Variants in KRT73 observed in about 807,000 individuals in gnomAD.
KRT73 encodes the protein keratin, type II cytoskeletal 73.
A neutral mutation model predicts 47.2 loss-of-function variants in KRT73; 44 were observed. That is an observed-to-expected ratio of 0.93 (90% CI 0.73 to 1.20). The LOEUF (loss-of-function observed/expected upper bound fraction) is 1.20. Ranked by LOEUF, KRT73 falls within the 50% of genes most tolerant of loss-of-function variation. The pLI is 0.00. For synonymous variants in KRT73, 285 were observed against 291.3 expected (o/e 0.98, Z 0.22); for missense variants, 713 against 704.5 (o/e 1.01, Z -0.14).
chr12:52,629,833 C>T, the KRT73 span, among the ~76,000 whole-genome samples: 3 of 152,286 alleles, frequency 2.0e-5, no homozygotes, highest in South Asian at 6.2e-4. Flanking sequence ...TATAGAGTAA[C>T]AAGAGCAGCC....
intron 3 of KRT73, 90 bp from the exon 4 acceptor site, chr12:52,614,764 G>T: frequency 9.8e-7 from 1 of 1,021,682 alleles, no homozygotes; most frequent in Non-Finnish European, 1.4e-6. Flanking sequence ...CCCTGCCCTA[G>T]CTAGCTGCCC....
the KRT73 span, among the ~76,000 whole-genome samples, chr12:52,624,067 A>C: frequency 2.0e-5 from 3 of 152,036 alleles, no homozygotes; most frequent in South Asian, 6.2e-4. Flanking sequence ...ACTATATGCT[A>C]TCTCCAAAAA....
the KRT73 span, among the ~76,000 whole-genome samples, chr12:52,627,008 C>T: frequency 1.8e-3 from 274 of 152,326 alleles, no homozygotes; most frequent in African/African-American, 6.3e-3. Flanking sequence ...GTTTCTTATG[C>T]TCTTGTCAAT....
At chr12:52,612,576 C>G (rs1038640129) in intron 5 of KRT73, 1 of 152,216 alleles carries the variant, frequency 6.6e-6, no homozygotes, top group Non-Finnish European at 1.5e-5. Flanking sequence ...AAACAAGGGG[C>G]CTTCTCCTGC....
rs921491256 is a variant in KRT73, at chr12:52,614,587, A to G, written c.811T>C (p.Tyr271His). Residue 271 changes from tyrosine (Y) to histidine (H), a missense_variant, in exon 4 of 9, where the codon TAC becomes CAC. By Grantham distance (83) the Tyr-to-His change is moderately conservative. Transcript: ENST00000305748. The part of the protein sequence containing the change: ...DGEIKFFKCL[Y>H]EGETAQIQSH... ...GGCAGGGGGAGCCTTACCCCCTCGT[A>G]CAGACACTTGAAGAACTTGATTTCT... 1 of 1,613,732 alleles carries G rather than the reference A, an allele frequency of 6.2e-7. No individual in the cohort carries two copies. Among genetic ancestry groups the G allele is most frequent in the Admixed American group, 1.7e-5 (1 of 59,994 alleles).
Position 52,615,269 on chromosome 12 carries a change from C to A in KRT73, c.723+10G>T. Reference sequence around the variant, plus strand: ...TGGGGGACTGAAGGGAACCCATGCACCCTCCTCACCTTCTTAAGCACCACA... The same window carrying A: ...TGGGGGACTGAAGGGAACCCATGCAACCTCCTCACCTTCTTAAGCACCACA... On this transcript the variant is annotated intron_variant, in intron 3 of 8. Coordinates refer to ENST00000305748, the MANE Select transcript of KRT73 (RefSeq NM_175068.3). 1.9e-6 allele frequency: 3 copies of A among 1,611,866 alleles called. No homozygotes were observed. Among genetic ancestry groups the A allele is most frequent in the East Asian group, 4.5e-5 (2 of 44,838 alleles).
chr12:52,619,421 A>G (rs1021733772), upstream of KRT73, among the ~76,000 whole-genome samples: 4 of 152,220 alleles, frequency 2.6e-5, no homozygotes, highest in East Asian at 1.9e-4. Context: ...TCATTCCTTT[A>G]GCAAACATTT....
chr12:52,619,046 G>C (rs565268208), upstream of KRT73, among the ~76,000 whole-genome samples: 46 of 152,322 alleles, frequency 3.0e-4, no homozygotes, highest in Non-Finnish European at 4.7e-4. Flanking sequence ...AGACAGGTTT[G>C]ATGGCTGGCC....
At position 52,610,698 on chromosome 12, in the gene KRT73, C is replaced by G; in HGVS notation, c.1248G>C (p.Glu416Asp). ...AKEELARMLR[E>D]YQELLSVKLS... ...GCTTCACGCTCAAAAGCTCTTGGTA[C>G]TCGCGCAGCATCCGTGCCAGCTCCT... Residue 416 changes from glutamate (E) to aspartate (D), a missense_variant, in exon 7 of 9, where the codon GAG becomes GAC. Coordinates refer to ENST00000305748, the MANE Select transcript of KRT73 (RefSeq NM_175068.3). The G allele has an allele frequency of 6.2e-7, 1 of 1,614,002 alleles. No homozygotes were observed. The highest frequency in any genetic ancestry group is 8.5e-7 in the Non-Finnish European group (1 of 1,180,024).
chr12:52,619,093 C>G (rs751288869), upstream of KRT73, among the ~76,000 whole-genome samples: 52 of 152,240 alleles, frequency 3.4e-4, no homozygotes, highest in Non-Finnish European at 6.6e-4. Flanking sequence ...GAATCCAGGA[C>G]CAGCCTCTGG....
chr12:52,613,546 C>T lies in KRT73; in HGVS notation c.984+142G>A, dbSNP rs74706801. On this transcript the variant is annotated intron_variant, in intron 5 of 8. Coordinates refer to ENST00000305748, the MANE Select transcript of KRT73 (RefSeq NM_175068.3). ...AAGGACAGAGCTGTGTCTTCTCCTC[C>T]CCTTTGGCTTCCCCCAGTGCCCAGG... 0.01 allele frequency: 14,799 copies of T among 1,456,230 alleles called. 931 individuals are homozygous for T. The Admixed American group carries it at 0.18, about 17-fold the overall frequency. The allele number at this position is 1,456,230 out of a possible 1,614,324, so 90.2% of individuals were successfully genotyped here.
At chr12:52,630,335 G>A in the KRT73 span, among the ~76,000 whole-genome samples, 1 of 152,154 alleles carries the variant, frequency 6.6e-6, no homozygotes, top group Non-Finnish European at 1.5e-5. Context: ...TGCACGCCTG[G>A]CCCTCCAGGG....
upstream of KRT73, among the ~76,000 whole-genome samples, chr12:52,623,117 C>T (rs1396863244): frequency 6.6e-6 from 1 of 152,090 alleles, no homozygotes; most frequent in Non-Finnish European, 1.5e-5. Context: ...AGACGTAAAC[C>T]CACAGATTCA....
chr12:52,614,966 G>A (rs1418989398), intron 3 of KRT73: 4 of 528,040 alleles, frequency 7.6e-6, no homozygotes, highest in East Asian at 3.0e-5. Context: ...GGACAGCCAC[G>A]GCGATTTGCC....
chr12:52,615,191 T>G, intron 3 of KRT73, 88 bp downstream of exon 3: 1 of 1,171,660 alleles, frequency 8.5e-7, no homozygotes, highest in East Asian at 2.4e-5. Flanking sequence ...CAGGCCCTTC[T>G]GCGGGGGGCT....
At chr12:52,613,522 AG>A (rs1940745540) in intron 5 of KRT73, 165 bp downstream of exon 5, 2 of 1,336,576 alleles carry the variant, frequency 1.5e-6, no homozygotes, top group Admixed American at 2.8e-5. Flanking sequence ...GTGGGTGCCA[AG>A]GACAGAGCTG....
At position 52,618,298 on chromosome 12, in the gene KRT73, C is replaced by T. The variant is rs144884418; in HGVS notation, c.227G>A (p.Gly76Asp). The T allele has an allele frequency of 2.6e-5, 42 of 1,614,110 alleles. No individual in the cohort carries two copies. The highest frequency in any genetic ancestry group is 3.3e-5 in the Non-Finnish European group (39 of 1,180,048). ...GCTGCCAGCAAAGCCACTGGCCCGG[C>T]CCCGGCCAAATCCATAGCCTCCTGC... The part of the protein sequence containing the change: ...GWAGGYGFGR[G>D]RASGFAGSMF... Residue 76 changes from glycine to aspartate, a missense_variant, in exon 1 of 9, where the codon GGC (glycine) becomes GAC (aspartate). Gly to Asp is a moderately conservative substitution (Grantham distance 94). Transcript: ENST00000305748.
rs79692633 is a variant in KRT73, at chr12:52,618,213, G to T, written c.312C>A (p.Ile104=). 6.5e-4 allele frequency: 1,049 copies of T among 1,614,102 alleles called. 18 individuals carry two copies. In the East Asian group the frequency reaches 0.023, roughly 35 times the overall value. The change falls in exon 1 of 9, where the codon ATC becomes ATA. Residue 104 remains isoleucine (I), a synonymous_variant. Transcript: ENST00000305748. ...VCPSLCPPGG[I]HQVTINKSLL... is the part of the protein sequence containing the mutation. The stretch of plus-strand genomic sequence containing the variant: ...GGCTCTTGTTGATGGTGACCTGATG[G>T]ATACCCCCGGGCGGGCACAACGACG...
intron 7 of KRT73, 78 bp downstream of exon 7, chr12:52,610,537 C>CCCCCCCCCCCCCCCCCA: frequency 5.8e-6 from 1 of 173,424 alleles, no homozygotes; most frequent in Non-Finnish European, 1.2e-5. Context: ...CCGCCCCCTC[C>CCCCCCCCCCCCCCCCCA]CCCCCGCCCC....
Sources: allele counts gnomAD v4.1 joint callset (sites outside exome capture counted in the v4.1 genomes callset), GRCh38; gene constraint gnomAD v4.1.1; transcripts MANE v1.5; gene names NCBI Gene and HGNC (gene_info 2026-07-23, HGNC 2026-07-21).